RALGAPA2: variants seen among roughly 807,000 people sequenced by gnomAD.
The protein encoded by RALGAPA2 is Ral GTPase activating protein catalytic subunit alpha 2, also known as ral GTPase-activating protein subunit alpha-2.
A neutral mutation model predicts 230.4 loss-of-function variants in RALGAPA2; 139 were observed. The ratio of observed to expected loss-of-function variants is 0.60; its 90% confidence interval spans 0.53 to 0.69. The LOEUF (loss-of-function observed/expected upper bound fraction) is 0.69. RALGAPA2 is among the 30% of genes least tolerant of loss of function. RALGAPA2 has a pLI of 0.00. For synonymous variants in RALGAPA2, 847 were observed against 837.8 expected, an observed-to-expected ratio of 1.01 and a Z score of -0.19; for missense variants, 2,163 against 2,276.0, an observed-to-expected ratio of 0.95 and a Z score of 1.01.
At chr20:20,475,366 T>C (rs753017376) in intron 36 of RALGAPA2, among the ~76,000 whole-genome samples, 1 of 152,168 alleles carries the variant, frequency 6.6e-6, no homozygotes, top group Non-Finnish European at 1.5e-5. Flanking sequence ...ATATATCTTA[T>C]CAAGCAGAAT....
At chr20:20,616,382 C>T (rs1019443016) in intron 12 of RALGAPA2, among the ~76,000 whole-genome samples, 191 bp from the exon 13 acceptor site, 2 of 152,078 alleles carry the variant, frequency 1.3e-5, no homozygotes, top group African/African-American at 4.8e-5. Flanking sequence ...TTTAGAATCA[C>T]TTAAATACAG....
intron 24 of RALGAPA2, among the ~76,000 whole-genome samples, chr20:20,537,404 G>A (rs572865255): frequency 6.6e-6 from 1 of 152,178 alleles, no homozygotes; most frequent in African/African-American, 2.4e-5. Flanking sequence ...TGGATCACCT[G>A]AAGTCAGGAG....
chr20:20,424,926 T>A (rs1241100103), intron 37 of RALGAPA2, among the ~76,000 whole-genome samples: 1 of 152,214 alleles, frequency 6.6e-6, no homozygotes, highest in Non-Finnish European at 1.5e-5. Flanking sequence ...GTTTCTATCA[T>A]CACTGACTCT....
At chr20:20,492,436 G>GA (rs1214302747) in intron 36 of RALGAPA2, among the ~76,000 whole-genome samples, 1 of 152,030 alleles carries the variant, frequency 6.6e-6, no homozygotes, top group Non-Finnish European at 1.5e-5. Flanking sequence ...CAATTTCTAA[G>GA]AAAAAAATAC....
At chr20:20,652,553 T>TTGAA (rs996628645) in intron 4 of RALGAPA2, among the ~76,000 whole-genome samples, 96 of 152,270 alleles carry the variant, frequency 6.3e-4, no homozygotes, top group African/African-American at 2.2e-3. Flanking sequence ...CAACAAATAT[T>TTGAA]TGAATGAATG....
intron 3 of RALGAPA2, among the ~76,000 whole-genome samples, chr20:20,669,254 C>A (rs1474267375): frequency 6.6e-6 from 1 of 152,132 alleles, no homozygotes; most frequent in Non-Finnish European, 1.5e-5. Context: ...TATTCTATTT[C>A]TCTAGTAAAA....
chr20:20,691,832 C>T (rs940680562), intron 1 of RALGAPA2, among the ~76,000 whole-genome samples: 9 of 152,194 alleles, frequency 5.9e-5, no homozygotes, highest in African/African-American at 2.2e-4. Context: ...CCCTCCAAAT[C>T]TCTTGTTGAA....
At chr20:20,574,083 A>T (rs1000895309) in intron 20 of RALGAPA2, among the ~76,000 whole-genome samples, 5 of 152,248 alleles carry the variant, frequency 3.3e-5, no homozygotes, top group African/African-American at 1.2e-4. Context: ...AGAGAGTTCC[A>T]CTTGTTCTAC....
intron 37 of RALGAPA2, among the ~76,000 whole-genome samples, chr20:20,466,557 G>C (rs573320050): frequency 1.3e-5 from 2 of 152,154 alleles, no homozygotes; most frequent in African/African-American, 4.8e-5. Context: ...AATTTCTCTG[G>C]ATTGGCTCTG....
intron 3 of RALGAPA2, among the ~76,000 whole-genome samples, chr20:20,669,521 G>A (rs1285753183): frequency 6.6e-6 from 1 of 152,136 alleles, no homozygotes; most frequent in Non-Finnish European, 1.5e-5. Flanking sequence ...TCATCCAGGG[G>A]CCAGGTGCTG....
At chr20:20,561,078 T>C (rs980092638) in intron 23 of RALGAPA2, among the ~76,000 whole-genome samples, 4 of 152,206 alleles carry the variant, frequency 2.6e-5, no homozygotes, top group Admixed American at 1.3e-4. Context: ...TGTTCCCTTT[T>C]TCTGAGGCTG....
In RALGAPA2 at chr20:20,437,055, T is replaced by G. The variant is rs1295921094; in HGVS notation, c.5496-24907A>C. 6.6e-6 allele frequency among the ~76,000 whole-genome samples: 1 copy of G among 152,210 alleles called. No individual in the cohort carries two copies. The highest frequency in any genetic ancestry group is 1.5e-5 in the Non-Finnish European group (1 of 68,038). On this transcript the variant is annotated intron_variant, in intron 37 of 39. Coordinates refer to ENST00000202677, the MANE Select transcript of RALGAPA2 (RefSeq NM_020343.4). This position sits in a 1 kb window ranked among gnomAD's most constrained non-coding sequence, Gnocchi z 4.1. ...CCCATCCTCCCTGGGTCCTGTGGCC[T>G]CCTCTGCACAATGGCATCTGAACAC...
Position 20,398,882 on chromosome 20 carries a change from G to A in RALGAPA2, c.5618-2148C>T, listed in dbSNP as rs1298911640. On this transcript the variant is annotated intron_variant, in intron 38 of 39. Transcript: ENST00000202677. The surrounding 1 kb of genome is among the most constrained non-coding windows in gnomAD (Gnocchi z 4.5). ...GTTACAGCATGCAGTCTAATGAGGG[G>A]ATATCACCCCTTGGGGTGGCAAAAT... 6.6e-6 allele frequency among the ~76,000 whole-genome samples: 1 copy of A among 152,164 alleles called. No individual in the cohort carries two copies. The highest frequency in any genetic ancestry group is 1.5e-5 in the Non-Finnish European group (1 of 68,040).
At position 20,680,816 on chromosome 20, in the gene RALGAPA2, T is replaced by C. The variant is rs762201729; in HGVS notation, c.107-15A>G. On this transcript the variant is annotated splice_polypyrimidine_tract_variant and intron_variant, in intron 1 of 39. Transcript: ENST00000202677. ...ATCCACATTATCTGAAAAGAAAAAGTTTCCATTTATGACAATTCACTTTAT... is the reference window on the plus strand; with the variant it reads ...ATCCACATTATCTGAAAAGAAAAAGCTTCCATTTATGACAATTCACTTTAT... 3.2e-5 allele frequency: 50 copies of C among 1,551,374 alleles called. No homozygotes were observed. Among genetic ancestry groups the C allele is most frequent in the Non-Finnish European group, 4.0e-5 (46 of 1,155,798 alleles).
intron 37 of RALGAPA2, among the ~76,000 whole-genome samples, chr20:20,454,774 T>C (rs1463264839): frequency 6.6e-6 from 1 of 152,230 alleles, no homozygotes; most frequent in Non-Finnish European, 1.5e-5. Context: ...CCAATGTTCA[T>C]TGTCTTCTAA....
intron 1 of RALGAPA2, among the ~76,000 whole-genome samples, chr20:20,699,513 G>T (rs533482627): frequency 6.6e-6 from 1 of 152,080 alleles, no homozygotes; most frequent in Non-Finnish European, 1.5e-5. Context: ...AATAAAACAC[G>T]GTAATCCCTA....
chr20:20,549,385 G>A (rs1382068278), intron 23 of RALGAPA2, among the ~76,000 whole-genome samples: 2 of 152,132 alleles, frequency 1.3e-5, no homozygotes, highest in Non-Finnish European at 2.9e-5. Flanking sequence ...CACTTCAACG[G>A]AACCTGCTAC....
intron 38 of RALGAPA2, among the ~76,000 whole-genome samples, chr20:20,411,680 T>C (rs1325757989): frequency 1.3e-5 from 2 of 152,208 alleles, no homozygotes; most frequent in Non-Finnish European, 2.9e-5. Flanking sequence ...GAGGAACTCT[T>C]TTTTGATAAG....
intron 37 of RALGAPA2, among the ~76,000 whole-genome samples, chr20:20,449,806 G>A (rs2060947957): frequency 6.6e-6 from 1 of 152,138 alleles, no homozygotes; most frequent in Non-Finnish European, 1.5e-5. Flanking sequence ...AGGTTAGAAT[G>A]ACCTATTATG....
Sources: allele counts gnomAD v4.1 joint callset (sites outside exome capture counted in the v4.1 genomes callset), GRCh38; gene constraint gnomAD v4.1.1; non-coding constraint Gnocchi (gnomAD v3.1); transcripts MANE v1.5; gene names NCBI Gene and HGNC (gene_info 2026-07-23, HGNC 2026-07-21).